The following NT5C2 variants were observed in gnomAD, a reference collection of about 807,000 sequenced individuals.
NT5C2 encodes 5'-nucleotidase, cytosolic II.
NT5C2 carries 58 observed loss-of-function variants against 76.1 expected under a neutral mutation model. The ratio of observed to expected loss-of-function variants is 0.76; its 90% CI spans 0.62 to 0.95. The LOEUF is 0.95. Ranked by LOEUF, NT5C2 falls within the 40% of genes least tolerant of loss-of-function variation. The pLI is 0.00. For missense variants in NT5C2, 478 were observed against 690.3 expected (o/e 0.69, Z 3.45); for synonymous variants, 229 against 237.4 (o/e 0.96, Z 0.32).
At chr10:103,095,129 G>T (rs1003664810) in intron 12 of NT5C2, among the ~76,000 whole-genome samples, 2 of 152,148 alleles carry the variant, frequency 1.3e-5, no homozygotes, top group Non-Finnish European at 2.9e-5. Context: ...ACAGAGGCAG[G>T]CATCAGAGCT....
At chr10:103,171,546 G>A (rs2088000985) in intron 3 of NT5C2, among the ~76,000 whole-genome samples, 1 of 152,158 alleles carries the variant, frequency 6.6e-6, no homozygotes. Context: ...ACCAGCACCT[G>A]TACTTACTGC....
At chr10:103,183,260 G>GATATATATA (rs1177155271) in intron 1 of NT5C2, among the ~76,000 whole-genome samples, 6 of 38,806 alleles carry the variant, frequency 1.5e-4, no homozygotes, top group African/African-American at 4.8e-4. Context: ...ATGTGTGTGT[G>GATATATATA]TGATATATAT....
chr10:103,115,519 A>G (rs1244996353), intron 4 of NT5C2, among the ~76,000 whole-genome samples: 2 of 152,230 alleles, frequency 1.3e-5, no homozygotes, highest in African/African-American at 2.4e-5. Context: ...AATCTGGCCT[A>G]CATTTGAATG....
At chr10:103,128,044 TCTCTCCCTCTCC>T (rs71019659) in intron 4 of NT5C2, among the ~76,000 whole-genome samples, 36,015 of 138,418 alleles carry the variant, frequency 0.26, 4,286 homozygotes, top group Middle Eastern at 0.32. Context: ...AATGATCCGG[TCTCTCCCTCTCC>T]CTCTCCCTCT....
At chr10:103,100,769 C>T (rs1334853189) in intron 8 of NT5C2, 6 of 591,830 alleles carry the variant, frequency 1.0e-5, no homozygotes, top group East Asian at 7.3e-5. Context: ...TCAGTTGTCA[C>T]AATTAGCACC....
At chr10:103,190,185 G>A (rs1393027930) in intron 1 of NT5C2, among the ~76,000 whole-genome samples, 4 of 151,528 alleles carry the variant, frequency 2.6e-5, no homozygotes, top group Admixed American at 6.6e-5. Context: ...ATTTTTAGTA[G>A]AGATGGGGTT....
In NT5C2 at chr10:103,089,570, C is replaced by A; in HGVS notation, c.*102G>T. On this transcript the variant is annotated 3_prime_UTR_variant, in exon 19 of 19. Coordinates refer to ENST00000404739, the MANE Select transcript of NT5C2 (RefSeq NM_001351169.2). Reference sequence around the variant, plus strand: ...CTTTTCAGACGTACCTTTCATGGAGCCCCCTCCCTCCCCCGAGTAGAACCC... The same window carrying A: ...CTTTTCAGACGTACCTTTCATGGAGACCCCTCCCTCCCCCGAGTAGAACCC... 7.0e-7 allele frequency: 1 copy of A among 1,423,508 alleles called. No individual in the cohort carries two copies. The highest frequency in any genetic ancestry group is 9.2e-7 in the Non-Finnish European group (1 of 1,086,400). The allele number at this position is 1,423,508 out of a possible 1,614,324, so 88.2% of individuals were successfully genotyped here.
chr10:103,096,370 A>G (rs1473697526), intron 11 of NT5C2, among the ~76,000 whole-genome samples: 1 of 152,196 alleles, frequency 6.6e-6, no homozygotes, highest in African/African-American at 2.4e-5. Context: ...TTTATGTAAG[A>G]CTGTTTACTA....
At chr10:103,171,874 C>T (rs1400197980) in intron 3 of NT5C2, among the ~76,000 whole-genome samples, 29 of 152,040 alleles carry the variant, frequency 1.9e-4, no homozygotes, top group Admixed American at 1.9e-3. Flanking sequence ...ACCTGAGCAA[C>T]ACAGCAAGAC....
intron 2 of NT5C2, among the ~76,000 whole-genome samples, chr10:103,178,939 C>CTTTTTTTT (rs1554837744): frequency 8.5e-6 from 1 of 117,126 alleles, no homozygotes; most frequent in Non-Finnish European, 1.9e-5. Flanking sequence ...TCTACGTTTT[C>CTTTTTTTT]TTTTTTCTTT....
chr10:103,177,538 T>C (rs745535547), intron 2 of NT5C2, among the ~76,000 whole-genome samples: 1 of 152,210 alleles, frequency 6.6e-6, no homozygotes, highest in Non-Finnish European at 1.5e-5. Context: ...CTCTCCCTTC[T>C]TCTGAGACAG....
At chr10:103,103,693 A>G (rs1475022108) in intron 6 of NT5C2, among the ~76,000 whole-genome samples, 1 of 152,140 alleles carries the variant, frequency 6.6e-6, no homozygotes, top group Non-Finnish European at 1.5e-5. Flanking sequence ...ACTTTCTGTG[A>G]CCCACAGAAT....
intron 2 of NT5C2, among the ~76,000 whole-genome samples, chr10:103,178,087 TGTA>T (rs2090345855): frequency 6.6e-6 from 1 of 152,218 alleles, no homozygotes; most frequent in Non-Finnish European, 1.5e-5. Flanking sequence ...AGCTCATCCA[TGTA>T]GTATCACATA....
At chr10:103,125,695 G>A (rs985142544) in intron 4 of NT5C2, among the ~76,000 whole-genome samples, 2 of 152,060 alleles carry the variant, frequency 1.3e-5, no homozygotes, top group South Asian at 2.1e-4. Flanking sequence ...GAAATCACTA[G>A]TCTGTTTATG....
intron 5 of NT5C2, among the ~76,000 whole-genome samples, chr10:103,106,111 T>C (rs1273706991): frequency 6.6e-6 from 1 of 152,226 alleles, no homozygotes; most frequent in Non-Finnish European, 1.5e-5. Context: ...TCTTTTTTCT[T>C]GGACAACTGA....
At chr10:103,187,989 T>G (rs1210259340) in intron 1 of NT5C2, among the ~76,000 whole-genome samples, 1 of 152,200 alleles carries the variant, frequency 6.6e-6, no homozygotes, top group Non-Finnish European at 1.5e-5. Flanking sequence ...CCTTATGAAT[T>G]TATAGAGCAT....
At chr10:103,103,665 C>T (rs945876137) in intron 6 of NT5C2, among the ~76,000 whole-genome samples, 3 of 152,104 alleles carry the variant, frequency 2.0e-5, no homozygotes, top group Non-Finnish European at 2.9e-5. Context: ...AAAACAGTTA[C>T]AGCACAGATT....
intron 4 of NT5C2, among the ~76,000 whole-genome samples, chr10:103,130,252 T>C (rs1001317737): frequency 6.6e-6 from 1 of 151,704 alleles, no homozygotes; most frequent in Non-Finnish European, 1.5e-5. Context: ...TCTGTGACCT[T>C]ACCCCCAACC....
intron 4 of NT5C2, among the ~76,000 whole-genome samples, chr10:103,129,297 G>A (rs2077441341): frequency 1.7e-5 from 2 of 118,994 alleles, no homozygotes; most frequent in Admixed American, 1.5e-4. Flanking sequence ...CGGGAGGGAG[G>A]TGGGGGGGTC....
Sources: gnomAD v4.1 joint callset for allele counts (sites outside exome capture counted in the v4.1 genomes callset) on GRCh38, gnomAD v4.1.1 for gene constraint, MANE v1.5 for transcripts, NCBI Gene and HGNC (gene_info 2026-07-23, HGNC 2026-07-21) for gene names.